Variants in TAFA2 observed in about 807,000 individuals in gnomAD.
TAFA2 encodes the protein TAFA chemokine like family member 2.
TAFA2 carries 7 observed loss-of-function variants against 18.8 expected under a neutral mutation model. The ratio of observed to expected loss-of-function variants is 0.37; its 90% CI spans 0.21 to 0.70. The LOEUF (loss-of-function observed/expected upper bound fraction) is 0.70. Among genes scored for constraint, TAFA2 ranks in the 30% least tolerant of loss-of-function variants. The pLI is 0.53. For synonymous variants in TAFA2, 60 were observed against 54.2 expected (o/e 1.11, Z -0.47); for missense variants, 122 against 158.1 (o/e 0.77, Z 1.23).
intron 2 of TAFA2, among the ~76,000 whole-genome samples, chr12:61,819,218 T>C (rs541156599): frequency 1.3e-5 from 2 of 152,262 alleles, no homozygotes; most frequent in East Asian, 3.9e-4. Flanking sequence ...GAAGGTAGCA[T>C]TGATAAATTG....
intron 2 of TAFA2, among the ~76,000 whole-genome samples, chr12:61,799,162 CAT>C (rs201153934): frequency 2.0e-4 from 31 of 152,274 alleles, no homozygotes; most frequent in Admixed American, 5.9e-4. Flanking sequence ...ATAATAATAA[CAT>C]GTGGATGAAG....
At chr12:62,173,155 G>A (rs772846106) in intron 1 of TAFA2, among the ~76,000 whole-genome samples, 4 of 152,212 alleles carry the variant, frequency 2.6e-5, no homozygotes, top group Non-Finnish European at 5.9e-5. Context: ...GCTCATGCCT[G>A]TAATCCCAGC....
chr12:62,082,300 G>A (rs1297160158), intron 1 of TAFA2, among the ~76,000 whole-genome samples: 1 of 152,238 alleles, frequency 6.6e-6, no homozygotes, highest in East Asian at 1.9e-4. Flanking sequence ...ATTCCTTTGG[G>A]TATATACCAG....
At chr12:61,747,638 T>C (rs1469018375) in intron 4 of TAFA2, among the ~76,000 whole-genome samples, 3 of 149,776 alleles carry the variant, frequency 2.0e-5, no homozygotes, top group Non-Finnish European at 4.4e-5. Flanking sequence ...CACCGCATAT[T>C]CTCACTCATA....
chr12:61,922,956 C>T (rs1031506701), intron 1 of TAFA2, among the ~76,000 whole-genome samples: 2 of 152,160 alleles, frequency 1.3e-5, no homozygotes, highest in Non-Finnish European at 2.9e-5. Context: ...GGATCTTCCC[C>T]GACAGCGTAA....
intron 1 of TAFA2, among the ~76,000 whole-genome samples, chr12:61,910,647 C>A (rs1376460804): frequency 5.9e-5 from 9 of 152,178 alleles, no homozygotes; most frequent in Non-Finnish European, 1.2e-4. Context: ...CCTTAAGTGA[C>A]AATAAGATTT....
In TAFA2 at chr12:62,021,369, G is replaced by T. The variant is rs189471647; in HGVS notation, c.-1-153943C>A. 3.3e-5 allele frequency among the ~76,000 whole-genome samples: 5 copies of T among 151,866 alleles called. No homozygotes were observed. In the East Asian group the frequency reaches 9.7e-4, roughly 29 times the overall value. The stretch of plus-strand genomic sequence containing the variant: ...TTTAGTGGCAATTTGTGAGATTTTG[G>T]TGTACCCATCACCTGAGCAGTATAT... On this transcript the variant is annotated intron_variant, in intron 1 of 4. Transcript: ENST00000416284.
chr12:62,115,375 A>T (rs921643111), intron 1 of TAFA2, among the ~76,000 whole-genome samples: 1 of 152,146 alleles, frequency 6.6e-6, no homozygotes, highest in Non-Finnish European at 1.5e-5. Context: ...AGCATATTAC[A>T]GCGCTATGGT....
chr12:62,185,887 C>T (rs1369196522), intron 1 of TAFA2, among the ~76,000 whole-genome samples: 1 of 152,122 alleles, frequency 6.6e-6, no homozygotes, highest in Non-Finnish European at 1.5e-5. Flanking sequence ...TGGAAGTTTG[C>T]TATTAAAATT....
chr12:61,786,939 A>T (rs1456489587), intron 2 of TAFA2, among the ~76,000 whole-genome samples: 8 of 151,568 alleles, frequency 5.3e-5, no homozygotes, highest in Non-Finnish European at 1.0e-4. Flanking sequence ...GAACTCAGAA[A>T]AAAGAAGGGA....
intron 1 of TAFA2, among the ~76,000 whole-genome samples, chr12:61,979,804 T>C (rs1336593827): frequency 1.3e-5 from 2 of 151,932 alleles, no homozygotes; most frequent in African/African-American, 4.8e-5. Context: ...ACAGTAAAGA[T>C]GCCTAGAAGG....
intron 1 of TAFA2, chr12:62,258,190 CTG>C (rs746929844): frequency 6.6e-6 from 1 of 152,166 alleles, no homozygotes; most frequent in East Asian, 1.9e-4. Flanking sequence ...GCTAGGCACT[CTG>C]TAAGTGCTTG....
chr12:62,009,184 C>T (rs1361132322), intron 1 of TAFA2, among the ~76,000 whole-genome samples: 2 of 152,136 alleles, frequency 1.3e-5, no homozygotes, highest in East Asian at 1.9e-4. Context: ...AAACACACTG[C>T]TTAAACAAAT....
At chr12:62,123,460 T>A (rs947107495) in intron 1 of TAFA2, among the ~76,000 whole-genome samples, 1 of 150,768 alleles carries the variant, frequency 6.6e-6, no homozygotes, top group Non-Finnish European at 1.5e-5. Flanking sequence ...GAAATGGAAA[T>A]GTATAAGAAT....
rs529389196 is a variant in TAFA2 at position 61,744,344 on chromosome 12, A to T, written c.384+9278T>A. 8.5e-5 allele frequency among the ~76,000 whole-genome samples: 13 copies of T among 152,296 alleles called. No homozygotes were observed. In the South Asian group the frequency reaches 2.5e-3, roughly 29 times the overall value. On this transcript the variant is annotated intron_variant, in intron 4 of 4. Transcript: ENST00000416284. ...GCTCAAATATTGCAGAAGCATCTAC[A>T]TCTTAGAGGAACTTAAAAGCACACA...
chr12:61,782,262 C>T (rs1381862591), intron 2 of TAFA2, among the ~76,000 whole-genome samples: 2 of 151,648 alleles, frequency 1.3e-5, no homozygotes, highest in Non-Finnish European at 3.0e-5. Context: ...TTTGGAATTA[C>T]TGATAAAGAC....
chr12:62,159,229 G>C (rs997344756), intron 1 of TAFA2, among the ~76,000 whole-genome samples: 4 of 152,164 alleles, frequency 2.6e-5, no homozygotes, highest in Non-Finnish European at 5.9e-5. Context: ...CTCGCCAAAA[G>C]GTGGGTGCAG....
rs190664344 is a variant in TAFA2, at chr12:62,118,079, T to C, written c.-2+73180A>G. ...CACATTCAACTATGCAGTCACCTCA[T>C]ATGACATCCCTCTGAATCTTCAGAT... On this transcript the variant is annotated intron_variant, in intron 1 of 4. Transcript: ENST00000416284. 1.0e-3 allele frequency among the ~76,000 whole-genome samples: 152 copies of C among 152,236 alleles called. 3 individuals are homozygous for C. The South Asian group carries it at 0.027, about 27-fold the overall frequency.
At chr12:61,848,731 A>AT (rs1464494310) in intron 2 of TAFA2, among the ~76,000 whole-genome samples, 1 of 152,050 alleles carries the variant, frequency 6.6e-6, no homozygotes, top group East Asian at 1.9e-4. Flanking sequence ...AAAAAAAAAA[A>AT]ATAAGTTTCA....
Sources: allele counts gnomAD v4.1 joint callset (sites outside exome capture counted in the v4.1 genomes callset), GRCh38; gene constraint gnomAD v4.1.1; transcripts MANE v1.5; gene names NCBI Gene and HGNC (gene_info 2026-07-23, HGNC 2026-07-21).